The following FDFT1 variants were observed in gnomAD, a reference collection of about 807,000 sequenced individuals.
FDFT1 encodes squalene synthase.
Under a neutral mutation model 46.8 loss-of-function variants are expected in FDFT1, and 68 were observed. The observed-to-expected ratio is 1.45, with a 90% CI of 1.19 to 1.78. The LOEUF (loss-of-function observed/expected upper bound fraction) is 1.78, where lower values mean the gene tolerates loss of function less well. Among genes scored for constraint, FDFT1 ranks in the 40% most tolerant of loss-of-function variants. The pLI is 0.00. For synonymous variants in FDFT1, 351 were observed against 185.1 expected (o/e 1.90, Z -7.28); for missense variants, 928 against 524.4 (o/e 1.77, Z -7.52).
intron 1 of FDFT1, among the ~76,000 whole-genome samples, chr8:11,797,099 C>G (rs373740759): frequency 1.3e-5 from 2 of 152,122 alleles, no homozygotes; most frequent in Non-Finnish European, 1.5e-5. Flanking sequence ...CTGGGTGTTG[C>G]GATGGCAATG....
At chr8:11,809,573 A>G in intron 2 of FDFT1, 94 bp from the exon 3 acceptor site, 1 of 1,362,774 alleles carries the variant, frequency 7.3e-7, no homozygotes, top group South Asian at 1.6e-5. Flanking sequence ...TAAGGGTGAG[A>G]TGGGTTTAGA....
intron 3 of FDFT1, among the ~76,000 whole-genome samples, chr8:11,817,909 A>C (rs543439547): frequency 5.3e-5 from 8 of 150,402 alleles, no homozygotes; most frequent in African/African-American, 2.0e-4. Context: ...CTAGCTTTTC[A>C]ATTTGTTTGC....
chr8:11,808,148 A>G (rs748858759), intron 1 of FDFT1: 18 of 580,706 alleles, frequency 3.1e-5, no homozygotes, highest in Non-Finnish European at 4.0e-5. Flanking sequence ...GATTCTTGGT[A>G]AAACTGGGCG....
chr8:11,796,556 G>A (rs1385026141), intron 1 of FDFT1, among the ~76,000 whole-genome samples: 1 of 152,224 alleles, frequency 6.6e-6, no homozygotes, highest in African/African-American at 2.4e-5. Flanking sequence ...GAGGCAGGCA[G>A]GGGAGTGGGA....
In FDFT1 at chr8:11,803,428, G is replaced by T. The variant is rs149557828; in HGVS notation, c.99+497G>T. The T allele has an allele frequency of 1.8e-4, 237 of 1,287,652 alleles. 1 individual carries two copies. In the East Asian group the frequency reaches 5.1e-3, roughly 28 times the overall value. The allele number at this position is 1,287,652 out of a possible 1,614,324, so 79.8% of individuals were successfully genotyped here. On this transcript the variant is annotated intron_variant, in intron 1 of 7. Transcript: ENST00000220584. ...GCTGCCTTCCATCGCTTCATCCTCG[G>T]TGCTTCCTGAGTTTTAAAATCGCCT...
Position 11,821,850 on chromosome 8 carries a change from A to T in FDFT1, c.482A>T (p.His161Leu). 6.2e-7 allele frequency: 1 copy of T among 1,613,494 alleles called. No homozygotes were observed. Among genetic ancestry groups the T allele is most frequent in the Non-Finnish European group, 8.5e-7 (1 of 1,179,504 alleles). ...GGGATGGCAGAGTTTTTGGATAAGC[A>T]TGTGACCTCTGAACAGGAGTGGGAC... ...GIGMAEFLDKHVTSEQEWDKY... is the reference protein window; with the variant it reads ...GIGMAEFLDKLVTSEQEWDKY... The change falls in exon 4 of 8, where the codon CAT becomes CTT. Residue 161 changes from histidine (H) to leucine (L), a missense_variant. Coordinates refer to ENST00000220584, the MANE Select transcript of FDFT1 (RefSeq NM_004462.5).
intron 1 of FDFT1, chr8:11,808,402 G>A: frequency 8.1e-7 from 1 of 1,237,564 alleles, no homozygotes; most frequent in Non-Finnish European, 1.0e-6. Context: ...CGGGCCCGTT[G>A]TGGGTCGGCC....
rs777193214 is a variant in FDFT1, at chr8:11,802,783, G to A, written c.-50G>A. The A allele has an allele frequency of 2.9e-5, 42 of 1,453,680 alleles. No individual in the cohort carries two copies. The highest frequency in any genetic ancestry group is 4.0e-5 in the Non-Finnish European group (42 of 1,049,668). The allele number at this position is 1,453,680 out of a possible 1,614,324, so 90.0% of individuals were successfully genotyped here. On this transcript the variant is annotated 5_prime_UTR_variant, in exon 1 of 8. Coordinates refer to ENST00000220584, the MANE Select transcript of FDFT1 (RefSeq NM_004462.5). Reference sequence around the variant, plus strand: ...GGTCCAGCCGGCCGGTGAGCGCCTGGGGACCGCAGAGGTGAGAGTCGCGCC... The same window carrying A: ...GGTCCAGCCGGCCGGTGAGCGCCTGAGGACCGCAGAGGTGAGAGTCGCGCC...
chr8:11,800,468 G>T (rs1175735766), upstream of FDFT1, among the ~76,000 whole-genome samples: 1 of 151,930 alleles, frequency 6.6e-6, no homozygotes. Flanking sequence ...GGTGCCTCAC[G>T]TTCTGTATTT....
chr8:11,802,429 C>T (rs899655073), upstream of FDFT1: 2 of 459,026 alleles, frequency 4.4e-6, no homozygotes, highest in Non-Finnish European at 8.7e-6. Context: ...ACCTCCAGTC[C>T]CCACAGCGTT....
At chr8:11,829,314 T>G (rs898262911) in intron 5 of FDFT1, among the ~76,000 whole-genome samples, 29 of 152,250 alleles carry the variant, frequency 1.9e-4, no homozygotes, top group African/African-American at 5.3e-4. Flanking sequence ...TCCAGAACTT[T>G]CGCTAGCTTC....
chr8:11,796,305 T>C (rs1413445371), intron 1 of FDFT1, among the ~76,000 whole-genome samples: 1 of 152,228 alleles, frequency 6.6e-6, no homozygotes, highest in Non-Finnish European at 1.5e-5. Context: ...CTGATTACGC[T>C]GTAAACACTC....
rs757296049 is a variant in FDFT1 at position 11,831,498 on chromosome 8, T to C, written c.880-20T>C. On this transcript the variant is annotated intron_variant, in intron 6 of 7. Transcript: ENST00000220584. ...ACGACATCATTTCTTCTTTTTTCCC[T>C]CTCTTCTTGTTGTCTCTAGGTGATG... 12 of 1,601,350 alleles carry C rather than the reference T, an allele frequency of 7.5e-6. No homozygotes were observed. Among genetic ancestry groups the C allele is most frequent in the Non-Finnish European group, 8.5e-6 (10 of 1,172,382 alleles).
intron 3 of FDFT1, 89 bp downstream of exon 3, chr8:11,809,939 G>C: frequency 2.0e-6 from 2 of 990,622 alleles, no homozygotes; most frequent in South Asian, 1.7e-5. Flanking sequence ...TGTGGAGAAA[G>C]GTTAAATAAG....
upstream of FDFT1, chr8:11,802,408 C>G (rs922236847): frequency 2.2e-6 from 1 of 457,552 alleles, no homozygotes; most frequent in South Asian, 1.5e-5. Context: ...CATCCTAAGC[C>G]CCACCGCCTC....
intron 4 of FDFT1, among the ~76,000 whole-genome samples, chr8:11,822,845 T>C (rs918596430): frequency 1.3e-5 from 2 of 152,242 alleles, no homozygotes; most frequent in Admixed American, 1.3e-4. Flanking sequence ...TTAAAACTTC[T>C]GGCCAAGAAC....
At chr8:11,832,312 T>C (rs1218895594) in intron 7 of FDFT1, among the ~76,000 whole-genome samples, 1 of 151,988 alleles carries the variant, frequency 6.6e-6, no homozygotes, top group Non-Finnish European at 1.5e-5. Flanking sequence ...CCCAGCACTT[T>C]GGGAGACCAA....
At chr8:11,826,641 C>A (rs2130845477) in intron 5 of FDFT1, among the ~76,000 whole-genome samples, 1 of 152,246 alleles carries the variant, frequency 6.6e-6, no homozygotes, top group Non-Finnish European at 1.5e-5. Context: ...TCGTGAAACC[C>A]CGTGTTTACT....
intron 3 of FDFT1, among the ~76,000 whole-genome samples, chr8:11,817,376 G>T (rs1808605101): frequency 2.0e-5 from 3 of 151,406 alleles, no homozygotes; most frequent in African/African-American, 4.8e-5. Context: ...GGATGATGCT[G>T]GCCTCATAAA....
Sources: allele counts gnomAD v4.1 joint callset (sites outside exome capture counted in the v4.1 genomes callset), GRCh38; gene constraint gnomAD v4.1.1; transcripts MANE v1.5; gene names NCBI Gene and HGNC (gene_info 2026-07-23, HGNC 2026-07-21).